VWA3B: variants seen among roughly 807,000 people sequenced by gnomAD.
VWA3B encodes von Willebrand factor A domain-containing protein 3B.
In VWA3B, 138 loss-of-function variants were observed where a neutral mutation model predicts 158.3. The observed-to-expected ratio is 0.87, with a 90% CI of 0.76 to 1.00. The LOEUF (loss-of-function observed/expected upper bound fraction) is 1.00, where lower values mean the gene tolerates loss of function less well. VWA3B is among the 50% of genes least tolerant of loss of function. The pLI, the probability that VWA3B is intolerant of heterozygous loss-of-function variation, is 0.00. For missense variants in VWA3B, 1,555 were observed against 1,565.1 expected (o/e 0.99, Z 0.11); for synonymous variants, 596 against 587.3 (o/e 1.01, Z -0.21).
intron 20 of VWA3B, among the ~76,000 whole-genome samples, chr2:98,253,256 T>C (rs62156730): frequency 0.039 from 5,912 of 152,262 alleles, 170 homozygotes; most frequent in Middle Eastern, 0.075. Context: ...TAAGGAGTTT[T>C]CCAACAAAGA....
At chr2:98,185,143 A>G (rs534607641) in intron 9 of VWA3B, among the ~76,000 whole-genome samples, 85 of 152,328 alleles carry the variant, frequency 5.6e-4, no homozygotes, top group African/African-American at 2.0e-3. Flanking sequence ...CATAAGCCAC[A>G]TCCTCAGTTC....
rs202122043 is a variant in VWA3B, at chr2:98,270,674, T to C, written c.2844-8T>C. ...CTCTGTTTGTTTGTTTGTTTCTTTG[T>C]TTTTTAGGTTAGATGCAAACAAACC... On this transcript the variant is annotated splice_region_variant and splice_polypyrimidine_tract_variant and intron_variant, in intron 21 of 27. Transcript: ENST00000477737. The C allele has an allele frequency of 1.2e-5, 19 of 1,606,866 alleles. No individual in the cohort carries two copies. The African/African-American group carries it at 2.4e-4, about 20-fold the overall frequency.
At chr2:98,093,652 G>A (rs1001729942) in intron 2 of VWA3B, among the ~76,000 whole-genome samples, 3 of 152,122 alleles carry the variant, frequency 2.0e-5, no homozygotes, top group African/African-American at 4.8e-5. Flanking sequence ...TTTTTGTGGT[G>A]AGAACACTTA....
intron 13 of VWA3B, among the ~76,000 whole-genome samples, chr2:98,216,568 C>T (rs1684005964): frequency 6.6e-6 from 1 of 152,220 alleles, no homozygotes; most frequent in Admixed American, 6.5e-5. Flanking sequence ...CTTGCCACTC[C>T]AGCTGATGTG....
intron 1 of VWA3B, among the ~76,000 whole-genome samples, chr2:98,092,426 C>T (rs770825247): frequency 1.6e-4 from 25 of 152,146 alleles, no homozygotes; most frequent in Admixed American, 1.2e-3. Context: ...GGGCGGATCA[C>T]GAGGTCAGCA....
intron 22 of VWA3B, among the ~76,000 whole-genome samples, chr2:98,289,115 T>C (rs185381337): frequency 4.2e-4 from 63 of 151,458 alleles, no homozygotes; most frequent in African/African-American, 1.5e-3. Context: ...AGAATGTTAA[T>C]AGCATCAAGC....
intron 14 of VWA3B, among the ~76,000 whole-genome samples, chr2:98,225,664 C>T (rs11124107): frequency 0.81 from 121,644 of 150,756 alleles, 49,292 homozygotes; most frequent in South Asian, 0.9. Flanking sequence ...TTTTTATGTG[C>T]AGGTAATGTA....
In VWA3B at chr2:98,217,957, G is replaced by T; in HGVS notation, c.1948G>T (p.Ala650Ser). Residue 650 changes from alanine (A) to serine (S), a missense_variant, in exon 14 of 28, where the codon GCT (alanine) becomes TCT (serine). By Grantham distance (99) the Ala-to-Ser change is moderately conservative. Coordinates refer to ENST00000477737, the MANE Select transcript of VWA3B (RefSeq NM_144992.5). ...AAACAGGTTTTTGAAAGAGGTTGCT[G>T]CTTTGACTGGAGGAGAGTTCCATTT... ...IANRFLKEVA[A>S]LTGGEFHFYN... is the part of the protein sequence containing the mutation. 6.2e-7 allele frequency: 1 copy of T among 1,613,704 alleles called. No homozygotes were observed. The highest frequency in any genetic ancestry group is 2.2e-5 in the East Asian group (1 of 44,822).
chr2:98,248,475 TG>T (rs1686540696), intron 19 of VWA3B, among the ~76,000 whole-genome samples: 1 of 152,184 alleles, frequency 6.6e-6, no homozygotes, highest in Non-Finnish European at 1.5e-5. Context: ...TCTTGTTCCA[TG>T]GTGATGTTGT....
At chr2:98,288,888 A>T (rs1002098925) in intron 22 of VWA3B, among the ~76,000 whole-genome samples, 5 of 152,062 alleles carry the variant, frequency 3.3e-5, no homozygotes, top group Non-Finnish European at 1.5e-5. Context: ...TTCCCCTTTC[A>T]TTCCAACCTT....
downstream of VWA3B, chr2:98,313,445 A>G (rs1285688740): frequency 2.6e-5 from 4 of 152,376 alleles, no homozygotes; most frequent in African/African-American, 4.8e-5. Flanking sequence ...TCCCAGCAGG[A>G]AGGCTCTGGA....
At chr2:98,205,075 A>G (rs1385093676) in intron 12 of VWA3B, among the ~76,000 whole-genome samples, 2 of 152,210 alleles carry the variant, frequency 1.3e-5, no homozygotes, top group Non-Finnish European at 2.9e-5. Context: ...GCGTCACTGC[A>G]CTCCAGCCTG....
At chr2:98,242,888 A>G (rs1251165725) in intron 19 of VWA3B, among the ~76,000 whole-genome samples, 1 of 151,708 alleles carries the variant, frequency 6.6e-6, no homozygotes, top group Non-Finnish European at 1.5e-5. Flanking sequence ...TTGCTTTTAA[A>G]TATAATAGCA....
At position 98,116,019 on chromosome 2, in the gene VWA3B, GA is replaced by G. The variant is rs202197798; in HGVS notation, c.291+282del. Among the ~76,000 whole-genome samples, 338 of 150,892 alleles carry G rather than the reference GA, an allele frequency of 2.2e-3. 1 individual carries two copies. Among genetic ancestry groups the G allele is most frequent in the African/African-American group, 6.4e-3 (265 of 41,140 alleles). On this transcript the variant is annotated intron_variant, in intron 3 of 27. Transcript: ENST00000477737. Reference sequence around the variant, plus strand: ...ACTTCGTTTTGCTTTGAAAATAAAGGAAAAAAAAATATGACAGAGATGATCT... The same window carrying G: ...ACTTCGTTTTGCTTTGAAAATAAAGGAAAAAAAATATGACAGAGATGATCT...
At chr2:98,146,500 C>G (rs1227038548) in intron 7 of VWA3B, among the ~76,000 whole-genome samples, 1 of 152,216 alleles carries the variant, frequency 6.6e-6, no homozygotes, top group South Asian at 2.1e-4. Context: ...CTCTTTGCCT[C>G]TCTTAACCAA....
chr2:98,327,536 T>TATG, the VWA3B span, among the ~76,000 whole-genome samples: 4 of 152,212 alleles, frequency 2.6e-5, no homozygotes, highest in African/African-American at 9.6e-5. Flanking sequence ...ATCAAAACTC[T>TATG]ATGTAATTCA....
At chr2:98,197,309 A>G (rs1299474264) in intron 12 of VWA3B, among the ~76,000 whole-genome samples, 1 of 152,204 alleles carries the variant, frequency 6.6e-6, no homozygotes, top group African/African-American at 2.4e-5. Context: ...GATATGCTCT[A>G]TGACCAGCAG....
intron 19 of VWA3B, chr2:98,245,478 C>G (rs1032682258): frequency 4.9e-5 from 22 of 449,028 alleles, no homozygotes; most frequent in Non-Finnish European, 8.5e-5. Context: ...ATGACTTTAT[C>G]TTTCCCTGGA....
chr2:98,243,429 G>C (rs771145379), intron 19 of VWA3B, among the ~76,000 whole-genome samples: 5 of 151,910 alleles, frequency 3.3e-5, no homozygotes, highest in Non-Finnish European at 5.9e-5. Context: ...TGTCTCCCGG[G>C]TTCAAGCAAT....
Sources: gnomAD v4.1 joint callset for allele counts (sites outside exome capture counted in the v4.1 genomes callset) on GRCh38, gnomAD v4.1.1 for gene constraint, MANE v1.5 for transcripts, NCBI Gene and HGNC (gene_info 2026-07-23, HGNC 2026-07-21) for gene names.